The following PRKN variants were observed in gnomAD, a reference collection of about 807,000 sequenced individuals.
The protein encoded by PRKN is parkin RBR E3 ubiquitin protein ligase.
In PRKN, 56 loss-of-function variants were observed where a neutral mutation model predicts 59.5. The ratio of observed to expected loss-of-function variants is 0.94; its 90% CI spans 0.76 to 1.18. The LOEUF is 1.18. Among genes scored for constraint, PRKN ranks in the 50% most tolerant of loss-of-function variants. The pLI, the probability that PRKN is intolerant of heterozygous loss-of-function variation, is 0.00. For missense variants in PRKN, 657 were observed against 596.4 expected (o/e 1.10, Z -1.06); for synonymous variants, 250 against 222.1 (o/e 1.13, Z -1.12).
chr6:162,327,079 A>T (rs745976063), intron 2 of PRKN, among the ~76,000 whole-genome samples: 26 of 152,174 alleles, frequency 1.7e-4, no homozygotes, highest in Non-Finnish European at 2.8e-4. Context: ...AAACTCCAGG[A>T]TTTAAACAAT....
At chr6:161,806,519 T>C (rs1157799560) in intron 6 of PRKN, among the ~76,000 whole-genome samples, 1 of 152,134 alleles carries the variant, frequency 6.6e-6, no homozygotes, top group Non-Finnish European at 1.5e-5. Context: ...AAGAGAGAGT[T>C]CAGACCCTAT....
chr6:162,597,534 T>C (rs1781538245), intron 1 of PRKN, among the ~76,000 whole-genome samples: 1 of 152,242 alleles, frequency 6.6e-6, no homozygotes, highest in Non-Finnish European at 1.5e-5. Flanking sequence ...CCTTTCTTAT[T>C]ATGTGTCTAT....
At chr6:161,831,673 G>C (rs1792503940) in intron 6 of PRKN, among the ~76,000 whole-genome samples, 1 of 152,200 alleles carries the variant, frequency 6.6e-6, no homozygotes, top group Non-Finnish European at 1.5e-5. Context: ...TCATGAGTGG[G>C]AATTTAAGTG....
rs1441990386 is a variant in PRKN, at chr6:162,278,353, C to T, written c.172-15588G>A. Among the ~76,000 whole-genome samples, 3 of 152,068 alleles carry T rather than the reference C, an allele frequency of 2.0e-5. 1 individual carries two copies. Among genetic ancestry groups the T allele is most frequent in the South Asian group, 4.1e-4 (2 of 4,822 alleles). On this transcript the variant is annotated intron_variant, in intron 2 of 11. Coordinates refer to ENST00000366898, the MANE Select transcript of PRKN (RefSeq NM_004562.3). The stretch of plus-strand genomic sequence containing the variant: ...GGCAGTGAAAATACTCAGGGTGATA[C>T]TATGTTGATGGATAAATATCATTAT...
intron 4 of PRKN, among the ~76,000 whole-genome samples, chr6:162,160,784 G>A (rs185361439): frequency 2.0e-5 from 3 of 151,040 alleles, no homozygotes; most frequent in Admixed American, 6.6e-5. Context: ...CCAGCTACTC[G>A]GGAGGCTGAG....
At position 161,645,630 on chromosome 6, in the gene PRKN, T is replaced by C. The variant is rs549536559; in HGVS notation, c.872-76214A>G. On this transcript the variant is annotated intron_variant, in intron 7 of 11. Coordinates refer to ENST00000366898, the MANE Select transcript of PRKN (RefSeq NM_004562.3). ...GCAGTTTCATTCAATTTATATTATG[T>C]TAGATGGATGTTAATGTCCTAGCTA... Among the ~76,000 whole-genome samples the C allele has an allele frequency of 7.2e-5, 11 of 152,362 alleles. No individual in the cohort carries two copies. The South Asian group carries it at 2.1e-3, about 29-fold the overall frequency.
rs886600272 is a variant in PRKN at position 161,480,705 on chromosome 6, C to T, written c.1083+68149G>A. Among the ~76,000 whole-genome samples, 1 of 152,164 alleles carries T rather than the reference C, an allele frequency of 6.6e-6. No individual in the cohort carries two copies. The highest frequency in any genetic ancestry group is 1.5e-5 in the Non-Finnish European group (1 of 68,044). ...AAGGTAAGAAAGAGTTAACGTCTAACCCATTACATGCTAAGTGAATGTTTT... is the reference window on the plus strand; with the variant it reads ...AAGGTAAGAAAGAGTTAACGTCTAATCCATTACATGCTAAGTGAATGTTTT... On this transcript the variant is annotated intron_variant, in intron 9 of 11. Transcript: ENST00000366898. This position sits in a 1 kb window ranked among gnomAD's most constrained non-coding sequence, Gnocchi z 4.1.
At chr6:162,536,444 T>A (rs1193282408) in intron 1 of PRKN, among the ~76,000 whole-genome samples, 2 of 152,164 alleles carry the variant, frequency 1.3e-5, no homozygotes, top group Admixed American at 6.5e-5. Context: ...AGCTCTGAGT[T>A]ATGTATTAAG....
At chr6:162,248,380 G>T (rs1166927159) in intron 3 of PRKN, among the ~76,000 whole-genome samples, 1 of 152,136 alleles carries the variant, frequency 6.6e-6, no homozygotes, top group East Asian at 1.9e-4. Context: ...TTCTGATATT[G>T]CTGGTCACTG....
intron 1 of PRKN, among the ~76,000 whole-genome samples, chr6:162,480,009 G>A (rs1362679076): frequency 1.3e-5 from 2 of 151,730 alleles, no homozygotes; most frequent in Admixed American, 6.6e-5. Context: ...AGGTTGCAGT[G>A]GGCCAAGATT....
At position 161,962,540 on chromosome 6, in the gene PRKN, CTT is replaced by C. The variant is rs567987319; in HGVS notation, c.734+10760_734+10761del. Among the ~76,000 whole-genome samples, 678 of 136,106 alleles carry C rather than the reference CTT, an allele frequency of 5.0e-3. 7 individuals carry two copies. The highest frequency in any genetic ancestry group is 0.018 in the African/African-American group (660 of 37,118). 89.3% of individuals were successfully genotyped at this position (136,106 alleles called of 152,430 possible). A position where few individuals can be genotyped will look rare whatever the true frequency, so the allele number is the denominator to read the frequency against. Reference sequence around the variant, plus strand: ...CTTAGATGCTTCAGGAATGTAGCACCTTTTTTTTTTTTTTTTTTGAGACGGAG... The same window carrying C: ...CTTAGATGCTTCAGGAATGTAGCACCTTTTTTTTTTTTTTTTGAGACGGAG... On this transcript the variant is annotated intron_variant, in intron 6 of 11. Transcript: ENST00000366898.
chr6:162,335,371 C>T (rs1040268899), intron 2 of PRKN, among the ~76,000 whole-genome samples: 3 of 151,990 alleles, frequency 2.0e-5, no homozygotes, highest in South Asian at 2.1e-4. Flanking sequence ...ATAATGCTAT[C>T]GCATAATTAA....
intron 1 of PRKN, among the ~76,000 whole-genome samples, chr6:162,648,247 C>T (rs368552873): frequency 3.9e-5 from 6 of 152,198 alleles, no homozygotes; most frequent in Non-Finnish European, 5.9e-5. Flanking sequence ...TTTATAATCA[C>T]GTTTTTGTAA....
chr6:161,882,347 G>GA (rs1794967341), intron 6 of PRKN, among the ~76,000 whole-genome samples: 1 of 152,130 alleles, frequency 6.6e-6, no homozygotes, highest in Non-Finnish European at 1.5e-5. Context: ...GGGCGGGGCG[G>GA]GGGCGTGCGG....
Position 161,864,213 on chromosome 6 carries a change from A to G in PRKN, c.735-78305T>C, listed in dbSNP as rs12110328. 4.5e-3 allele frequency among the ~76,000 whole-genome samples: 684 copies of G among 152,244 alleles called. 4 individuals carry two copies. The highest frequency in any genetic ancestry group is 0.015 in the African/African-American group (635 of 41,544). ...CACGGTAGAATTTTTTCAAAATTGG[A>G]GTCAATCCTCTCAAACCCTGCTGCT... On this transcript the variant is annotated intron_variant, in intron 6 of 11. Transcript: ENST00000366898.
At chr6:161,995,842 C>T (rs144575544) in intron 5 of PRKN, among the ~76,000 whole-genome samples, 1,913 of 152,078 alleles carry the variant, frequency 0.013, 32 homozygotes, top group African/African-American at 0.043. Context: ...AAACAGTATG[C>T]AGGCATCTCC....
At chr6:161,450,745 C>T (rs933891755) in intron 9 of PRKN, among the ~76,000 whole-genome samples, 19 of 152,170 alleles carry the variant, frequency 1.2e-4, no homozygotes, top group South Asian at 2.1e-4. Flanking sequence ...TTAGTAGAGA[C>T]AGGGTTTCAC....
intron 5 of PRKN, among the ~76,000 whole-genome samples, chr6:162,004,789 C>T (rs1296380076): frequency 6.6e-6 from 1 of 152,182 alleles, no homozygotes; most frequent in Non-Finnish European, 1.5e-5. Context: ...GGCTGTTGAT[C>T]AGGTTCACTT....
chr6:162,191,290 C>T (rs1784268114), intron 4 of PRKN, among the ~76,000 whole-genome samples: 1 of 152,206 alleles, frequency 6.6e-6, no homozygotes, highest in South Asian at 2.1e-4. Flanking sequence ...CTAAGCCAAT[C>T]ATGGCAATTC....
Sources: gnomAD v4.1 joint callset for allele counts (sites outside exome capture counted in the v4.1 genomes callset) on GRCh38, gnomAD v4.1.1 for gene constraint, Gnocchi (gnomAD v3.1) non-coding constraint, MANE v1.5 for transcripts, NCBI Gene and HGNC (gene_info 2026-07-23, HGNC 2026-07-21) for gene names.